FYN: variants seen among roughly 807,000 people sequenced by gnomAD.
FYN encodes tyrosine-protein kinase Fyn.
In FYN, 10 loss-of-function variants were observed where a neutral mutation model predicts 70.2. The observed-to-expected ratio is 0.14, with a 90% CI of 0.09 to 0.24. The LOEUF (loss-of-function observed/expected upper bound fraction) is 0.24. Ranked by LOEUF, FYN falls within the 10% of genes least tolerant of loss-of-function variation. The pLI, the probability that FYN is intolerant of heterozygous loss-of-function variation, is 1.00. For synonymous variants in FYN, 236 were observed against 248.6 expected, an observed-to-expected ratio of 0.95 and a Z score of 0.48; for missense variants, 319 against 673.1, an observed-to-expected ratio of 0.47 and a Z score of 5.82.
intron 3 of FYN, among the ~76,000 whole-genome samples, chr6:111,744,437 AG>A (rs1417733786): frequency 6.6e-6 from 1 of 152,256 alleles, no homozygotes; most frequent in African/African-American, 2.4e-5. Context: ...AGAAGACAAA[AG>A]AATAGCTACT....
At chr6:111,754,709 G>A (rs966826476) in intron 3 of FYN, 2 of 152,170 alleles carry the variant, frequency 1.3e-5, no homozygotes, top group African/African-American at 2.4e-5. Context: ...GATGGGTTCA[G>A]TTGGTTTTGG....
chr6:111,687,609 T>G (rs28545393), intron 12 of FYN, among the ~76,000 whole-genome samples: 54,872 of 108,706 alleles, frequency 0.5, 12,066 homozygotes, highest in Admixed American at 0.57. Flanking sequence ...TGGGTGGGTG[T>G]GTGTGTGTGT....
intron 3 of FYN, among the ~76,000 whole-genome samples, chr6:111,722,224 C>T (rs578077988): frequency 2.5e-4 from 38 of 152,280 alleles, no homozygotes; most frequent in African/African-American, 7.7e-4. Flanking sequence ...GGAAAAGAGA[C>T]GCCTACTGCT....
At chr6:111,814,485 C>G (rs1772423364) in intron 2 of FYN, among the ~76,000 whole-genome samples, 1 of 151,788 alleles carries the variant, frequency 6.6e-6, no homozygotes, top group African/African-American at 2.4e-5. Flanking sequence ...AAATTAAATA[C>G]AGGTAAAATT....
chr6:111,738,803 G>A (rs1801818478), intron 3 of FYN, among the ~76,000 whole-genome samples: 1 of 152,162 alleles, frequency 6.6e-6, no homozygotes, highest in African/African-American at 2.4e-5. Flanking sequence ...AACACTGAGG[G>A]GTGAGCCCTG....
chr6:111,673,141 T>C (rs1047959905), intron 13 of FYN, among the ~76,000 whole-genome samples: 1 of 152,240 alleles, frequency 6.6e-6, no homozygotes, highest in Admixed American at 6.5e-5. Context: ...TGCCTTCACA[T>C]CCTCGCCCTC....
intron 3 of FYN, among the ~76,000 whole-genome samples, chr6:111,731,647 T>C (rs1801460980): frequency 6.6e-6 from 1 of 152,154 alleles, no homozygotes; most frequent in South Asian, 2.1e-4. Flanking sequence ...TTGCAGCTGT[T>C]TTGGTGTGAA....
At chr6:111,871,859 G>A (rs777269264) in intron 1 of FYN, among the ~76,000 whole-genome samples, 1 of 152,158 alleles carries the variant, frequency 6.6e-6, no homozygotes, top group Non-Finnish European at 1.5e-5. Context: ...CAACACTACC[G>A]GTCTCTGAAC....
rs115643956 is a variant in FYN, at chr6:111,777,772, T to C, written c.-12+2794A>G. ...TTAGTTTGAAGAATTTCAAACTTCC[T>C]ATGACTTGTAATGAAAAATCGGAAT... is the stretch of plus-strand genomic sequence containing the variant. On this transcript the variant is annotated intron_variant, in intron 3 of 13. Transcript: ENST00000354650. Among the ~76,000 whole-genome samples the C allele has an allele frequency of 1.3e-3, 194 of 152,368 alleles. 2 individuals carry two copies. The highest frequency in any genetic ancestry group is 4.5e-3 in the African/African-American group (189 of 41,588).
intron 2 of FYN, among the ~76,000 whole-genome samples, chr6:111,797,120 A>G (rs1027713747): frequency 6.6e-6 from 1 of 152,214 alleles, no homozygotes; most frequent in African/African-American, 2.4e-5. Context: ...ATCCTTGGAA[A>G]GTCTCAGTAG....
intron 1 of FYN, among the ~76,000 whole-genome samples, chr6:111,855,159 G>C (rs1773792498): frequency 1.3e-5 from 2 of 152,078 alleles, no homozygotes; most frequent in Admixed American, 6.5e-5. Flanking sequence ...GTATTACCAG[G>C]TGTTTTAAAC....
intron 3 of FYN, among the ~76,000 whole-genome samples, chr6:111,771,198 C>T (rs893478194): frequency 2.6e-5 from 4 of 152,134 alleles, no homozygotes; most frequent in Non-Finnish European, 5.9e-5. Flanking sequence ...CTGCTTCAGT[C>T]CCTCTCAGGG....
At chr6:111,865,544 T>C (rs966044379) in intron 1 of FYN, among the ~76,000 whole-genome samples, 1 of 152,232 alleles carries the variant, frequency 6.6e-6, no homozygotes, top group African/African-American at 2.4e-5. Context: ...TCCTAAGTTG[T>C]CTATATTGCA....
intron 4 of FYN, among the ~76,000 whole-genome samples, chr6:111,717,147 C>T (rs1800685887): frequency 6.6e-6 from 1 of 151,774 alleles, no homozygotes; most frequent in Non-Finnish European, 1.5e-5. Context: ...ACTTATTTAC[C>T]CCATTCAAGA....
chr6:111,687,225 A>G (rs1407228402), intron 12 of FYN, among the ~76,000 whole-genome samples: 2 of 152,230 alleles, frequency 1.3e-5, no homozygotes, highest in African/African-American at 4.8e-5. Flanking sequence ...AACAGTTAGT[A>G]ATTCTTCGTA....
intron 2 of FYN, among the ~76,000 whole-genome samples, chr6:111,817,043 T>C (rs1772510545): frequency 6.6e-6 from 1 of 152,218 alleles, no homozygotes; most frequent in African/African-American, 2.4e-5. Flanking sequence ...TATGCAGGCA[T>C]TAAAATTTTG....
chr6:111,727,559 T>C (rs893489291), intron 3 of FYN, among the ~76,000 whole-genome samples: 4 of 152,082 alleles, frequency 2.6e-5, no homozygotes, highest in Admixed American at 6.5e-5. Flanking sequence ...GGTGAGAAGA[T>C]AGATGTAAAA....
At chr6:111,773,319 AGGGG>A in intron 3 of FYN, among the ~76,000 whole-genome samples, 1 of 47,480 alleles carries the variant, frequency 2.1e-5, no homozygotes, top group South Asian at 1.3e-3. Context: ...GAAAGAGGGG[AGGGG>A]GAGGGAGAGG....
At chr6:111,705,640 G>A (rs1800049324) in intron 6 of FYN, among the ~76,000 whole-genome samples, 1 of 152,186 alleles carries the variant, frequency 6.6e-6, no homozygotes, top group South Asian at 2.1e-4. Context: ...CCTGAGGTCT[G>A]GAGTTCGAGG....
Sources: gnomAD v4.1 joint callset for allele counts (sites outside exome capture counted in the v4.1 genomes callset) on GRCh38, gnomAD v4.1.1 for gene constraint, MANE v1.5 for transcripts, NCBI Gene and HGNC (gene_info 2026-07-23, HGNC 2026-07-21) for gene names.